Variants in KLHL23 observed in about 807,000 individuals in gnomAD.
KLHL23 encodes kelch like family member 23, also known as kelch-like protein 23.
A neutral mutation model predicts 48.9 loss-of-function variants in KLHL23; 33 were observed. The ratio of observed to expected loss-of-function variants is 0.67; its 90% CI spans 0.51 to 0.90. The LOEUF (loss-of-function observed/expected upper bound fraction) is 0.90, where lower values mean the gene tolerates loss of function less well. Among genes scored for constraint, KLHL23 ranks in the 40% least tolerant of loss-of-function variants. The pLI, the probability that KLHL23 is intolerant of heterozygous loss-of-function variation, is 0.00. For missense variants in KLHL23, 608 were observed against 669.6 expected (o/e 0.91, Z 1.02); for synonymous variants, 234 against 231.6 (o/e 1.01, Z -0.09).
At chr2:169,748,513 A>G (rs1688857577) in intron 3 of KLHL23, among the ~76,000 whole-genome samples, 2 of 152,136 alleles carry the variant, frequency 1.3e-5, no homozygotes, top group Admixed American at 1.3e-4. Flanking sequence ...TGTGGAAGAA[A>G]ACAGGGCAGA....
Position 169,749,628 on chromosome 2 carries a change from C to G in KLHL23, c.1573C>G (p.Gln525Glu), listed in dbSNP as rs759660910. Reference sequence around the variant, plus strand: ...CTCCTACTCAAAGGGAACGTATCTTCAGAGCATTGAGAAATATGATCCAGA... The same window carrying G: ...CTCCTACTCAAAGGGAACGTATCTTGAGAGCATTGAGAAATATGATCCAGA... ...GYSYSKGTYL[Q>E]SIEKYDPDLN... is the part of the protein sequence containing the mutation. Residue 525 changes from glutamine (Q) to glutamate (E), a missense_variant, in exon 4 of 4, where the codon CAG becomes GAG. By Grantham distance (29) the Gln-to-Glu change is conservative. Around this residue, in one of 3 missense-constraint regions of KLHL23, gnomAD observed 179 missense variants for 169.9 expected, o/e 1.05. Transcript: ENST00000392647. 1 of 1,613,980 alleles carries G rather than the reference C, an allele frequency of 6.2e-7. No individual in the cohort carries two copies. Among genetic ancestry groups the G allele is most frequent in the Admixed American group, 1.7e-5 (1 of 60,006 alleles).
In KLHL23 at chr2:169,750,043, A is replaced by AG. The variant is rs1688924210; in HGVS notation, c.*312dup. On this transcript the variant is annotated 3_prime_UTR_variant, in exon 4 of 4. Transcript: ENST00000392647. The stretch of plus-strand genomic sequence containing the variant: ...TGTATGTATACATATGTGTATATAT[A>AG]GTATGTATGTATACATGTATGTGTA... 4.7e-5 allele frequency: 1 copy of AG among 21,342 alleles called. No homozygotes were observed. Among genetic ancestry groups the AG allele is most frequent in the Non-Finnish European group, 1.1e-4 (1 of 9,276 alleles). 1.3% of individuals were successfully genotyped at this position (21,342 alleles called of 1,614,324 possible). A position where few individuals can be genotyped will look rare whatever the true frequency, so the allele number is the denominator to read the frequency against.
Position 169,735,558 on chromosome 2 carries a change from A to G in KLHL23, c.544A>G (p.Lys182Glu). ...QEEFLEISLE[K>E]FLFILSRKNL... ...AGAATTTCTGGAAATCAGCCTTGAA[A>G]AGTTTCTCTTTATCTTGTCCAGAAA... Residue 182 changes from lysine (K) to glutamate (E), a missense_variant, in exon 2 of 4, where the codon AAG becomes GAG. By Grantham distance (56) the Lys-to-Glu change is moderately conservative. Transcript: ENST00000392647. The surrounding 1 kb of genome is among the most constrained non-coding windows in gnomAD (Gnocchi z 4.5). 6.2e-7 allele frequency: 1 copy of G among 1,613,712 alleles called. No homozygotes were observed.
intron 3 of KLHL23, among the ~76,000 whole-genome samples, chr2:169,748,145 C>T (rs1688839532): frequency 6.6e-6 from 1 of 152,156 alleles, no homozygotes; most frequent in South Asian, 2.1e-4. Context: ...AGAAAAGAAA[C>T]ATTCCAGATA....
intron 3 of KLHL23, among the ~76,000 whole-genome samples, chr2:169,744,275 A>C (rs1223473432): frequency 6.6e-6 from 1 of 152,230 alleles, no homozygotes; most frequent in African/African-American, 2.4e-5. Context: ...AAAAGAGTGT[A>C]AGTCTAATTA....
intron 3 of KLHL23, among the ~76,000 whole-genome samples, chr2:169,746,146 G>C (rs1688790398): frequency 6.6e-6 from 1 of 152,206 alleles, no homozygotes. Flanking sequence ...CCTGTGGAGA[G>C]TTGTGTGAAG....
intron 3 of KLHL23, among the ~76,000 whole-genome samples, 154 bp from the exon 4 acceptor site, chr2:169,749,268 C>T (rs933503742): frequency 5.3e-5 from 8 of 152,182 alleles, no homozygotes; most frequent in African/African-American, 1.9e-4. Flanking sequence ...TTTTCAGCCT[C>T]AGCGTTGCAG....
chr2:169,745,356 CA>C (rs1172194736), intron 3 of KLHL23, among the ~76,000 whole-genome samples: 1 of 151,326 alleles, frequency 6.6e-6, no homozygotes, highest in Non-Finnish European at 1.5e-5. Context: ...ACTAAAAATA[CA>C]AAAAAATTAG....
In KLHL23 at chr2:169,749,549, G is replaced by A; in HGVS notation, c.1494G>A (p.Arg498=). 1 of 1,614,104 alleles carries A rather than the reference G, an allele frequency of 6.2e-7. No individual in the cohort carries two copies. Among genetic ancestry groups the A allele is most frequent in the Non-Finnish European group, 8.5e-7 (1 of 1,180,024 alleles). Residue 498 remains arginine (R), a synonymous_variant, in exon 4 of 4, where the codon AGG becomes AGA. Coordinates refer to ENST00000392647, the MANE Select transcript of KLHL23 (RefSeq NM_144711.6). ...WREIAPMMER[R]MECGAVIMNG... Reference sequence around the variant, plus strand: ...AGATAGCTCCCATGATGGAAAGGAGGATGGAGTGCGGTGCCGTCATCATGA... The same window carrying A: ...AGATAGCTCCCATGATGGAAAGGAGAATGGAGTGCGGTGCCGTCATCATGA...
rs569500544 is a variant in KLHL23 at position 169,750,963 on chromosome 2, A to G, written c.*1231A>G. The G allele has an allele frequency of 1.1e-4, 17 of 152,332 alleles. 1 individual carries two copies. Among genetic ancestry groups the G allele is most frequent in the Admixed American group, 8.5e-4 (13 of 15,294 alleles). The allele number at this position is 152,332 out of a possible 1,614,324, so 9.4% of individuals were successfully genotyped here. ...AATACACTGACAAGAAGATATTTGC[A>G]TTTATTTCCCAAAGCTGCCAGTAAC... On this transcript the variant is annotated 3_prime_UTR_variant, in exon 4 of 4. Coordinates refer to ENST00000392647, the MANE Select transcript of KLHL23 (RefSeq NM_144711.6).
In KLHL23 at chr2:169,736,077, A is replaced by G. The variant is rs761937855; in HGVS notation, c.1063A>G (p.Met355Val). The change falls in exon 2 of 4, where the codon ATG becomes GTG. Residue 355 changes from methionine to valine, a missense_variant. Physicochemically the swap from Met to Val is conservative, Grantham distance 21. Around this residue, in one of 3 missense-constraint regions of KLHL23, gnomAD observed 419 missense variants for 473.1 expected, o/e 0.89. Transcript: ENST00000392647. ...ESDEWTEGLP[M>V]LNARYYHCAV... ...TGATGAATGGACAGAAGGTTTGCCA[A>G]TGCTCAATGCCAGGTATTACCACTG... The G allele has an allele frequency of 2.2e-5, 36 of 1,614,086 alleles. No individual in the cohort carries two copies. The highest frequency in any genetic ancestry group is 1.7e-5 in the Admixed American group (1 of 60,012).
chr2:169,749,520 A>G lies in KLHL23; in HGVS notation c.1465A>G (p.Arg489Gly), dbSNP rs763989977. The change falls in exon 4 of 4, where the codon AGA becomes GGA. Residue 489 changes from arginine (R) to glycine (G), a missense_variant. Transcript: ENST00000392647. ...ECYDPEQNEWREIAPMMERRM... is the reference protein window; with the variant it reads ...ECYDPEQNEWGEIAPMMERRM... ...CTATGACCCTGAACAAAATGAATGG[A>G]GAGAGATAGCTCCCATGATGGAAAG... The G allele has an allele frequency of 6.2e-7, 1 of 1,614,132 alleles. No individual in the cohort carries two copies.
intron 2 of KLHL23, among the ~76,000 whole-genome samples, chr2:169,739,784 GTTATAC>G (rs1688630037): frequency 6.6e-6 from 1 of 152,088 alleles, no homozygotes; most frequent in Non-Finnish European, 1.5e-5. Context: ...TCATGTGAAC[GTTATAC>G]TTAAACAACA....
intron 2 of KLHL23, among the ~76,000 whole-genome samples, chr2:169,739,805 A>G (rs947170057): frequency 6.6e-6 from 1 of 152,178 alleles, no homozygotes; most frequent in African/African-American, 2.4e-5. Context: ...ACAACAGGCT[A>G]TACCATACTA....
At position 169,751,547 on chromosome 2, in the gene KLHL23, A is replaced by G. The variant is rs1274424734; in HGVS notation, c.*1815A>G. 1.3e-5 allele frequency: 2 copies of G among 152,234 alleles called. No homozygotes were observed. The highest frequency in any genetic ancestry group is 2.4e-5 in the African/African-American group (1 of 41,464). 9.4% of individuals were successfully genotyped at this position (152,234 alleles called of 1,614,324 possible). On this transcript the variant is annotated 3_prime_UTR_variant, in exon 4 of 4. Transcript: ENST00000392647. ...AAAAGATAAATGCATGAAGACATTT[A>G]TGTCTGCATTCTTTATAATAACAAA...
chr2:169,742,755 C>T (rs2105651243), intron 3 of KLHL23, among the ~76,000 whole-genome samples: 1 of 152,354 alleles, frequency 6.6e-6, no homozygotes. Flanking sequence ...GGGTAAACTT[C>T]TCCCTCCTAG....
In KLHL23 at chr2:169,735,905, T is replaced by C. The variant is rs1399937300; in HGVS notation, c.891T>C (p.Asn297=). Residue 297 remains asparagine, a synonymous_variant, in exon 2 of 4, where the codon AAT becomes AAC. Coordinates refer to ENST00000392647, the MANE Select transcript of KLHL23 (RefSeq NM_144711.6). This position sits in a 1 kb window ranked among gnomAD's most constrained non-coding sequence, Gnocchi z 4.5. Reference sequence around the variant, plus strand: ...TTCACATATGGGATCCTTTGACAAATGTTTGGATTCAGGGAGCAGAAATAC... The same window carrying C: ...TTCACATATGGGATCCTTTGACAAACGTTTGGATTCAGGGAGCAGAAATAC... ...SEVHIWDPLT[N]VWIQGAEIPD... 1.2e-6 allele frequency: 2 copies of C among 1,614,094 alleles called. No individual in the cohort carries two copies. Among genetic ancestry groups the C allele is most frequent in the Admixed American group, 3.3e-5 (2 of 60,024 alleles).
intron 2 of KLHL23, among the ~76,000 whole-genome samples, chr2:169,740,057 CGGT>C: frequency 6.6e-6 from 1 of 152,112 alleles, no homozygotes. Context: ...CTGGTTGAGT[CGGT>C]GAGTAAGTGG....
At position 169,749,503 on chromosome 2, in the gene KLHL23, C is replaced by G. The variant is rs773794170; in HGVS notation, c.1448C>G (p.Pro483Arg). ...ACTACAATCACAGAATGCTATGACC[C>G]TGAACAAAATGAATGGAGAGAGATA... The part of the protein sequence containing the change: ...GQTTITECYD[P>R]EQNEWREIAP... The change falls in exon 4 of 4, where the codon CCT becomes CGT. Residue 483 changes from proline (P) to arginine (R), a missense_variant. Transcript: ENST00000392647. 2 of 1,613,986 alleles carry G rather than the reference C, an allele frequency of 1.2e-6. No individual in the cohort carries two copies. The highest frequency in any genetic ancestry group is 1.1e-5 in the South Asian group (1 of 91,062).
Sources: gnomAD v4.1 joint callset for allele counts (sites outside exome capture counted in the v4.1 genomes callset) on GRCh38, gnomAD v4.1.1 for gene constraint, gnomAD v4.1.1 regional missense constraint, Gnocchi (gnomAD v3.1) non-coding constraint, MANE v1.5 for transcripts, NCBI Gene and HGNC (gene_info 2026-07-23, HGNC 2026-07-21) for gene names.